The following FOXJ3 variants were observed in gnomAD, a reference collection of about 807,000 sequenced individuals.
FOXJ3 encodes the protein forkhead box protein J3.
A neutral mutation model predicts 76.1 loss-of-function variants in FOXJ3; 22 were observed. The observed-to-expected ratio is 0.29, with a 90% CI of 0.21 to 0.41. The LOEUF is 0.41. Ranked by LOEUF, FOXJ3 falls within the 10% of genes least tolerant of loss-of-function variation. The pLI is 1.00. For missense variants in FOXJ3, 613 were observed against 762.1 expected (o/e 0.80, Z 2.30); for synonymous variants, 269 against 261.2 (o/e 1.03, Z -0.29).
chr1:42,213,105 C>T (rs142656046), intron 5 of FOXJ3, among the ~76,000 whole-genome samples: 4 of 152,022 alleles, frequency 2.6e-5, no homozygotes, highest in East Asian at 1.9e-4. Context: ...AAGGTTGATG[C>T]GCAAAAGAAT....
intron 1 of FOXJ3, among the ~76,000 whole-genome samples, chr1:42,328,347 C>T (rs1363412270): frequency 2.0e-5 from 3 of 152,120 alleles, no homozygotes; most frequent in Admixed American, 1.3e-4. Context: ...AAATTATTAG[C>T]GTTCAATTCA....
At chr1:42,264,191 A>C (rs1039629007) in intron 4 of FOXJ3, among the ~76,000 whole-genome samples, 2 of 152,138 alleles carry the variant, frequency 1.3e-5, no homozygotes, top group African/African-American at 4.8e-5. Context: ...TAAAGCAAGG[A>C]AATTTGTACA....
intron 5 of FOXJ3, among the ~76,000 whole-genome samples, chr1:42,219,039 T>C (rs1189412109): frequency 6.6e-6 from 1 of 152,254 alleles, no homozygotes; most frequent in Non-Finnish European, 1.5e-5. Flanking sequence ...ACTTTAAAAC[T>C]AGGTCTCCAA....
upstream of FOXJ3, chr1:42,335,392 C>G (rs1340583304): frequency 1.3e-5 from 2 of 152,288 alleles, no homozygotes; most frequent in Non-Finnish European, 2.9e-5. Context: ...CCCTGAGACT[C>G]CCGAGGCTCT....
At chr1:42,228,632 C>T (rs1026466421) in intron 4 of FOXJ3, among the ~76,000 whole-genome samples, 1 of 147,358 alleles carries the variant, frequency 6.8e-6, no homozygotes, top group Non-Finnish European at 1.5e-5. Context: ...AAATATTATA[C>T]AAACAAGAAG....
intron 1 of FOXJ3, among the ~76,000 whole-genome samples, chr1:42,324,529 ACTTT>A (rs1277698278): frequency 1.3e-5 from 2 of 151,964 alleles, no homozygotes; most frequent in Non-Finnish European, 2.9e-5. Context: ...CAACAGGGAT[ACTTT>A]CTAAGAAACG....
chr1:42,293,624 T>C (rs1422914679), intron 2 of FOXJ3, among the ~76,000 whole-genome samples: 2 of 152,242 alleles, frequency 1.3e-5, no homozygotes, highest in South Asian at 2.1e-4. Context: ...CTCCATTTCA[T>C]ATGGCTTCCA....
chr1:42,250,908 C>A (rs1191326790), intron 4 of FOXJ3, among the ~76,000 whole-genome samples: 5 of 84,040 alleles, frequency 5.9e-5, no homozygotes, highest in African/African-American at 1.6e-4. Flanking sequence ...AACTAACAAA[C>A]CTGAAGAACA....
At chr1:42,187,978 A>C (rs1646470571) in intron 11 of FOXJ3, among the ~76,000 whole-genome samples, 2 of 152,274 alleles carry the variant, frequency 1.3e-5, no homozygotes, top group Non-Finnish European at 2.9e-5. Flanking sequence ...TGACTTGAAT[A>C]AACTCAAACC....
chr1:42,189,035 A>C, intron 10 of FOXJ3, 107 bp from the exon 11 acceptor site: 1 of 684,474 alleles, frequency 1.5e-6, no homozygotes, highest in Non-Finnish European at 2.4e-6. Flanking sequence ...CACTCACTCC[A>C]CTTTATGGTA....
intron 3 of FOXJ3, among the ~76,000 whole-genome samples, chr1:42,269,150 T>TA (rs1651688654): frequency 6.6e-6 from 1 of 151,982 alleles, no homozygotes; most frequent in Non-Finnish European, 1.5e-5. Flanking sequence ...GAGTAATCAC[T>TA]AAAAACAATT....
intron 1 of FOXJ3, among the ~76,000 whole-genome samples, chr1:42,322,953 A>G (rs1655519320): frequency 6.6e-6 from 1 of 152,148 alleles, no homozygotes; most frequent in East Asian, 1.9e-4. Context: ...GTTTTAATAT[A>G]GAATTAAAAA....
chr1:42,228,002 A>C, intron 4 of FOXJ3, 36 bp from the exon 5 acceptor site: 1 of 1,076,810 alleles, frequency 9.3e-7, no homozygotes, highest in Non-Finnish European at 1.3e-6. Context: ...AGTATATTAC[A>C]GCAAACCTAT....
intron 5 of FOXJ3, among the ~76,000 whole-genome samples, chr1:42,207,932 CAGA>C (rs1207146048): frequency 6.6e-6 from 1 of 152,220 alleles, no homozygotes; most frequent in African/African-American, 2.4e-5. Context: ...TAAGTTAACA[CAGA>C]AGATTACTTT....
intron 1 of FOXJ3, among the ~76,000 whole-genome samples, chr1:42,322,427 AGT>A (rs1404682590): frequency 1.3e-5 from 2 of 152,030 alleles, no homozygotes; most frequent in East Asian, 3.8e-4. Context: ...GTGAAAAGAC[AGT>A]GTCTATGATT....
At chr1:42,260,706 AGTT>A (rs1650968510) in intron 4 of FOXJ3, among the ~76,000 whole-genome samples, 1 of 152,212 alleles carries the variant, frequency 6.6e-6, no homozygotes, top group Admixed American at 6.5e-5. Flanking sequence ...CAATCCTGTA[AGTT>A]TCAAAAGTTA....
rs764174321 is a variant in FOXJ3, at chr1:42,205,845, T to C, written c.547A>G (p.Ile183Val). Residue 183 changes from isoleucine to valine, a missense_variant, in exon 6 of 13, where the codon ATA becomes GTA. This residue lies in a region of FOXJ3 where 526 missense variants were observed against 601.4 expected (regional missense o/e 0.87). Coordinates refer to ENST00000361346, the MANE Select transcript of FOXJ3 (RefSeq NM_014947.5). ...TCCATTCCCAAAGAATCTGAATCTA[T>C]GCTATATGGAGTTGAGGCCTAAAAT... ...SVERASTPYS[I>V]DSDSLGMECI... The C allele has an allele frequency of 2.5e-6, 4 of 1,608,608 alleles. No individual in the cohort carries two copies. The East Asian group carries it at 6.7e-5, about 27-fold the overall frequency.
chr1:42,223,203 T>G (rs1418748676), intron 5 of FOXJ3, among the ~76,000 whole-genome samples: 5 of 152,198 alleles, frequency 3.3e-5, no homozygotes. Flanking sequence ...ATGCTAGTTT[T>G]CCAGAGAACC....
rs567584433 is a variant in FOXJ3 at position 42,289,813 on chromosome 1, T to A, written c.45-11141A>T. ...GGAGTTATTTTCAGAGGATCATAAA[T>A]ACATTCTATCTACCTTTAGATTTCT... On this transcript the variant is annotated intron_variant, in intron 2 of 12. Coordinates refer to ENST00000361346, the MANE Select transcript of FOXJ3 (RefSeq NM_014947.5). Among the ~76,000 whole-genome samples the A allele has an allele frequency of 6.6e-5, 10 of 152,296 alleles. No homozygotes were observed. In the South Asian group the frequency reaches 2.1e-3, roughly 32 times the overall value.
Sources: gnomAD v4.1 joint callset for allele counts (sites outside exome capture counted in the v4.1 genomes callset) on GRCh38, gnomAD v4.1.1 for gene constraint, gnomAD v4.1.1 regional missense constraint, MANE v1.5 for transcripts, NCBI Gene and HGNC (gene_info 2026-07-23, HGNC 2026-07-21) for gene names.